Variants in IRGM observed in about 807,000 individuals in gnomAD.
The protein encoded by IRGM is immunity-related GTPase family M protein.
For synonymous variants in IRGM, 98 were observed against 80.6 expected (o/e 1.22, Z -1.16); for missense variants, 288 against 219.9 (o/e 1.31, Z -1.96).
intron 3 of IRGM, among the ~76,000 whole-genome samples, chr5:150,892,498 A>T (rs79716898): frequency 0.036 from 5,549 of 152,204 alleles, 169 homozygotes; most frequent in East Asian, 0.16. Context: ...ACATAGAAGG[A>T]TATGTTGTCT....
chr5:150,872,943 C>A (rs1295214656), intron 1 of IRGM, among the ~76,000 whole-genome samples: 1 of 152,206 alleles, frequency 6.6e-6, no homozygotes, highest in Non-Finnish European at 1.5e-5. Context: ...CATCTGCATC[C>A]TTGAAGAGCT....
At chr5:150,894,387 T>G (rs1188701928) in intron 3 of IRGM, 1 of 152,196 alleles carries the variant, frequency 6.6e-6, no homozygotes, top group Non-Finnish European at 1.5e-5. Flanking sequence ...TGAAGAGACA[T>G]TAGGCAGGGT....
chr5:150,866,829 C>A (rs1754214704), intron 1 of IRGM, among the ~76,000 whole-genome samples: 1 of 152,060 alleles, frequency 6.6e-6, no homozygotes, highest in Non-Finnish European at 1.5e-5. Flanking sequence ...TAGATTGAAC[C>A]TTTCATATTC....
At chr5:150,883,765 A>C (rs1754478139) in intron 3 of IRGM, among the ~76,000 whole-genome samples, 1 of 152,008 alleles carries the variant, frequency 6.6e-6, no homozygotes, top group Admixed American at 6.6e-5. Context: ...CCCACCAAAG[A>C]AAAGCCCAGG....
At chr5:150,897,137 T>C (rs760574206) in intron 3 of IRGM, 65 of 498,014 alleles carry the variant, frequency 1.3e-4, no homozygotes, top group Non-Finnish European at 2.0e-4. Context: ...ATCAGGTGAA[T>C]AGACAGACAA....
intron 3 of IRGM, chr5:150,894,786 A>G (rs1359993103): frequency 6.6e-6 from 1 of 152,332 alleles, no homozygotes; most frequent in Admixed American, 6.5e-5. Context: ...CTCAGTGCCA[A>G]TGTTTTTCAG....
chr5:150,865,904 G>T (rs574152453), intron 1 of IRGM, among the ~76,000 whole-genome samples: 161 of 152,066 alleles, frequency 1.1e-3, no homozygotes, highest in African/African-American at 3.6e-3. Flanking sequence ...CCACAGGCAC[G>T]CACCACCATG....
intron 1 of IRGM, among the ~76,000 whole-genome samples, chr5:150,856,455 T>TATAAA (rs566058620): frequency 2.6e-5 from 4 of 152,002 alleles, no homozygotes; most frequent in African/African-American, 9.7e-5. Flanking sequence ...AAATAAAAAT[T>TATAAA]ATAAAATAAA....
chr5:150,882,169 T>A (rs911398536), intron 3 of IRGM, among the ~76,000 whole-genome samples: 3 of 150,866 alleles, frequency 2.0e-5, no homozygotes, highest in Non-Finnish European at 4.4e-5. Context: ...CAGTGAGCCA[T>A]GATCATGACA....
At position 150,880,135 on chromosome 5, in the gene IRGM, CT is replaced by C. The variant is rs1754423172; in HGVS notation, c.*140+490del. On this transcript the variant is annotated intron_variant and NMD_transcript_variant, in intron 3 of 3. Coordinates refer to the IRGM transcript ENST00000520549. ...AATTAAATAGTTTTGTATGACTTCA[CT>C]GTCATTATTTGTATAATTGTTTATT... Among the ~76,000 whole-genome samples, 6 of 152,294 alleles carry C rather than the reference CT, an allele frequency of 3.9e-5. No individual in the cohort carries two copies. The South Asian group carries it at 1.2e-3, about 32-fold the overall frequency.
intron 1 of IRGM, among the ~76,000 whole-genome samples, chr5:150,854,040 A>G (rs1934884145): frequency 6.6e-6 from 1 of 151,898 alleles, no homozygotes; most frequent in Non-Finnish European, 1.5e-5. Flanking sequence ...CATTTTTTAT[A>G]GTGACACATT....
At chr5:150,878,182 G>T (rs973390668) in intron 2 of IRGM, 379 of 361,758 alleles carry the variant, frequency 1.0e-3, no homozygotes, top group East Asian at 2.2e-3. Context: ...TTTTTTTTTT[G>T]TTGTTGTTGT....
At chr5:150,896,457 T>C (rs1385012309) in intron 3 of IRGM, 1 of 1,613,608 alleles carries the variant, frequency 6.2e-7, no homozygotes, top group Non-Finnish European at 8.5e-7. Flanking sequence ...AGTTTCCACA[T>C]TCTGATATTG....
rs572544769 is a variant in IRGM at position 150,871,094 on chromosome 5, C to A, written c.159-6886C>A. On this transcript the variant is annotated intron_variant and NMD_transcript_variant, in intron 1 of 3. Transcript: ENST00000520549. Reference sequence around the variant, plus strand: ...GGCTTTATTTACATACAAGGCAACCCTTTTGCTAGCCAGGTGAAACTGAAA... The same window carrying A: ...GGCTTTATTTACATACAAGGCAACCATTTTGCTAGCCAGGTGAAACTGAAA... 2.1e-4 allele frequency among the ~76,000 whole-genome samples: 32 copies of A among 152,290 alleles called. No homozygotes were observed. In the East Asian group the frequency reaches 6.2e-3, roughly 29 times the overall value.
chr5:150,894,056 A>G (rs972717796), intron 3 of IRGM, among the ~76,000 whole-genome samples: 1 of 151,994 alleles, frequency 6.6e-6, no homozygotes, highest in African/African-American at 2.4e-5. Flanking sequence ...GAGGAGCCCC[A>G]TGTTTTCACA....
chr5:150,898,836 A>C (rs1341161328), intron 3 of IRGM, among the ~76,000 whole-genome samples: 1 of 152,072 alleles, frequency 6.6e-6, no homozygotes, highest in Non-Finnish European at 1.5e-5. Context: ...AACAATGAAT[A>C]GTAAAGAGGA....
chr5:150,853,969 C>T (rs1431384453), intron 1 of IRGM, among the ~76,000 whole-genome samples: 1 of 152,024 alleles, frequency 6.6e-6, no homozygotes, highest in Admixed American at 6.6e-5. Flanking sequence ...GATGTTTTCT[C>T]TTTGTCTTAT....
In IRGM at chr5:150,846,746, G is replaced by C. The variant is rs572058992; in HGVS notation, c.-890G>C. ...CCTGAAGAGCTGTAACTCTCACTTC[G>C]AAGGTCTGCAGCTTCGCTCCTGAGT... On this transcript the variant is annotated 5_prime_UTR_variant, in exon 1 of 2. Transcript: ENST00000522154. 1 of 152,810 alleles carries C rather than the reference G, an allele frequency of 6.5e-6. No homozygotes were observed. The highest frequency in any genetic ancestry group is 1.5e-5 in the Non-Finnish European group (1 of 68,616). 9.5% of individuals were successfully genotyped at this position (152,810 alleles called of 1,614,324 possible). A position where few individuals can be genotyped will look rare whatever the true frequency, so the allele number is the denominator to read the frequency against.
At chr5:150,862,724 A>C (rs1358213265) in intron 1 of IRGM, among the ~76,000 whole-genome samples, 1 of 152,108 alleles carries the variant, frequency 6.6e-6, no homozygotes, top group African/African-American at 2.4e-5. Flanking sequence ...GAAGGTTTTT[A>C]ACTGCAGTAT....
Sources: gnomAD v4.1 joint callset for allele counts (sites outside exome capture counted in the v4.1 genomes callset) on GRCh38, gnomAD v4.1.1 for gene constraint, MANE v1.5 for transcripts, NCBI Gene and HGNC (gene_info 2026-07-23, HGNC 2026-07-21) for gene names.